DYNC2I2: variants seen among roughly 807,000 people sequenced by gnomAD.
The protein encoded by DYNC2I2 is cytoplasmic dynein 2 intermediate chain 2.
In DYNC2I2, 39 loss-of-function variants were observed where a neutral mutation model predicts 52.0. That is an observed-to-expected ratio of 0.75 (90% CI 0.58 to 0.98). DYNC2I2 has a LOEUF of 0.98. Ranked by LOEUF, DYNC2I2 falls within the 50% of genes least tolerant of loss-of-function variation. The pLI is 0.00. For missense variants in DYNC2I2, 743 were observed against 728.4 expected (o/e 1.02, Z -0.23); for synonymous variants, 359 against 321.1 (o/e 1.12, Z -1.26).
intron 1 of DYNC2I2, among the ~76,000 whole-genome samples, chr9:128,653,517 A>G (rs1242012472): frequency 1.3e-5 from 2 of 149,998 alleles, no homozygotes; most frequent in Non-Finnish European, 2.9e-5. Context: ...GATAAAGACT[A>G]TCCTGGCTAA....
chr9:128,638,220 CAAA>C (rs570370161), intron 2 of DYNC2I2, among the ~76,000 whole-genome samples: 16 of 95,868 alleles, frequency 1.7e-4, no homozygotes, highest in Non-Finnish European at 1.5e-4. Flanking sequence ...GACCCTGTCT[CAAA>C]AAAAAAAAAA....
rs535488987 is a variant in DYNC2I2 at position 128,642,605 on chromosome 9, C to T, written c.187-1666G>A. On this transcript the variant is annotated intron_variant, in intron 1 of 8. Coordinates refer to ENST00000372715, the MANE Select transcript of DYNC2I2 (RefSeq NM_052844.4). ...CTAATACGGTGAAACCCCGTCTCTA[C>T]TAAAAATACAAAAAAATTAGCCGGG... Among the ~76,000 whole-genome samples, 29 of 151,630 alleles carry T rather than the reference C, an allele frequency of 1.9e-4. No homozygotes were observed. In the South Asian group the frequency reaches 5.8e-3, roughly 31 times the overall value.
chr9:128,634,301 G>C lies in DYNC2I2; in HGVS notation c.1297C>G (p.Leu433Val), dbSNP rs977977446. ...ACAGCAAACAGATACTTGAGGGAGA[G>C]CTGCAGCGAAGTCAAGGGAGGGGCC... ...LQAPPLTSLQ[L>V]SLKYLFAVRW... Residue 433 changes from leucine to valine, a missense_variant, in exon 8 of 9, where the codon CTC becomes GTC. Leu to Val is a conservative substitution (Grantham distance 32, BLOSUM62 1). Transcript: ENST00000372715. The C allele has an allele frequency of 5.0e-6, 8 of 1,613,558 alleles. No individual in the cohort carries two copies. The African/African-American group carries it at 1.1e-4, about 22-fold the overall frequency.
intron 1 of DYNC2I2, among the ~76,000 whole-genome samples, chr9:128,655,996 C>T (rs117253418): frequency 0.033 from 5,017 of 151,546 alleles, 118 homozygotes; most frequent in Non-Finnish European, 0.049. Context: ...CAGCTTAAGC[C>T]CAGGAGTTGG....
chr9:128,683,756 C>A, the DYNC2I2 span: 1 of 648,546 alleles, frequency 1.5e-6, no homozygotes. Flanking sequence ...GTGTGTCCCA[C>A]TGTCATGTAA....
the DYNC2I2 span, chr9:128,683,717 G>T: frequency 1.9e-6 from 1 of 521,414 alleles, no homozygotes; most frequent in East Asian, 3.3e-5. Context: ...GAGGGTGGGT[G>T]GGATGAGGCT....
At position 128,634,852 on chromosome 9, in the gene DYNC2I2, T is replaced by C. The variant is rs1860347549; in HGVS notation, c.1051A>G (p.Ile351Val). The C allele has an allele frequency of 1.2e-6, 2 of 1,613,562 alleles. No individual in the cohort carries two copies. Among genetic ancestry groups the C allele is most frequent in the Admixed American group, 1.7e-5 (1 of 60,010 alleles). ...AFSSFDPRLF[I>V]LGTEGGFPLK... Reference sequence around the variant, plus strand: ...GGGAAGCCGCCTTCCGTGCCCAGAATGAACAGCCTAGGGTCAAAGCTGGAG... The same window carrying C: ...GGGAAGCCGCCTTCCGTGCCCAGAACGAACAGCCTAGGGTCAAAGCTGGAG... Residue 351 changes from isoleucine to valine, a missense_variant, in exon 7 of 9, where the codon ATT becomes GTT. Coordinates refer to ENST00000372715, the MANE Select transcript of DYNC2I2 (RefSeq NM_052844.4).
chr9:128,637,519 T>G (rs1163159599), intron 2 of DYNC2I2, among the ~76,000 whole-genome samples: 1 of 152,190 alleles, frequency 6.6e-6, no homozygotes, highest in Non-Finnish European at 1.5e-5. Context: ...CTCCACTCAC[T>G]GCAACTGCCA....
chr9:128,635,217 C>T lies in DYNC2I2; in HGVS notation c.856G>A (p.Val286Met), dbSNP rs139569061. The change falls in exon 6 of 9, where the codon GTG becomes ATG. Residue 286 changes from valine to methionine, a missense_variant. By Grantham distance (21) the Val-to-Met change is conservative (BLOSUM62 1). Transcript: ENST00000372715. Reference sequence around the variant, plus strand: ...TTCCCGTCGGTGGCCACACTCAGCACCTGGAAGCGGTGGCTGTGCCCAGGC... The same window carrying T: ...TTCCCGTCGGTGGCCACACTCAGCATCTGGAAGCGGTGGCTGTGCCCAGGC... The part of the protein sequence containing the change: ...PEPGHSHRFQ[V>M]LSVATDGKVL... 9.9e-5 allele frequency: 159 copies of T among 1,613,168 alleles called. No individual in the cohort carries two copies. The Middle Eastern group carries it at 1.2e-3, about 12-fold the overall frequency.
the DYNC2I2 span, among the ~76,000 whole-genome samples, chr9:128,662,638 GGCA>G: frequency 6.6e-6 from 1 of 151,906 alleles, no homozygotes; most frequent in South Asian, 2.1e-4. Context: ...GGAGTGTAGT[GGCA>G]CGATCTTGGC....
At chr9:128,657,034 A>G (rs192698681), upstream of DYNC2I2, among the ~76,000 whole-genome samples, 503 of 152,340 alleles carry the variant, frequency 3.3e-3, 4 homozygotes, top group African/African-American at 0.011. Flanking sequence ...AGCCAAGCGC[A>G]GAAGCGAAGA....
chr9:128,673,437 GC>G, the DYNC2I2 span, among the ~76,000 whole-genome samples: 1 of 147,698 alleles, frequency 6.8e-6, no homozygotes, highest in African/African-American at 2.5e-5. Flanking sequence ...TGCCTCCAGG[GC>G]TCAAGGGCTC....
At chr9:128,662,823 C>T in the DYNC2I2 span, among the ~76,000 whole-genome samples, 1 of 152,172 alleles carries the variant, frequency 6.6e-6, no homozygotes, top group African/African-American at 2.4e-5. Flanking sequence ...CTTGGCCTCC[C>T]AAAGTGCTGG....
the DYNC2I2 span, chr9:128,683,855 CG>C: frequency 3.3e-6 from 5 of 1,503,990 alleles, no homozygotes; most frequent in Non-Finnish European, 4.5e-6. Context: ...TCCGGACGGG[CG>C]AGGAGACTCG....
At chr9:128,673,876 T>C in the DYNC2I2 span, among the ~76,000 whole-genome samples, 1 of 149,914 alleles carries the variant, frequency 6.7e-6, no homozygotes, top group Non-Finnish European at 1.5e-5. Flanking sequence ...TGGCTCAATC[T>C]TGGCTCACCG....
Position 128,634,771 on chromosome 9 carries a change from C to A in DYNC2I2, c.1132G>T (p.Val378Leu), listed in dbSNP as rs367663253. Reference sequence around the variant, plus strand: ...AACTGTGCTGGGGCCCGCAGGGGCACGGAGCTGGGCATCCGCGTGAGGGCT... The same window carrying A: ...AACTGTGCTGGGGCCCGCAGGGGCAAGGAGCTGGGCATCCGCGTGAGGGCT... ...EAALTRMPSS[V>L]PLRAPAQFTF... The change falls in exon 7 of 9, where the codon GTG (valine) becomes TTG (leucine). Residue 378 changes from valine to leucine, a missense_variant. Val to Leu is a conservative substitution (Grantham distance 32, BLOSUM62 1). Coordinates refer to ENST00000372715, the MANE Select transcript of DYNC2I2 (RefSeq NM_052844.4). 6.2e-7 allele frequency: 1 copy of A among 1,608,212 alleles called. No individual in the cohort carries two copies. Among genetic ancestry groups the A allele is most frequent in the Non-Finnish European group, 8.5e-7 (1 of 1,177,776 alleles).
At position 128,656,655 on chromosome 9, in the gene DYNC2I2, G is replaced by C. The variant is rs773194503; in HGVS notation, c.72C>G (p.Val24=). ...GSAGVAALAT[V]GVASGPGPGR... is the part of the protein sequence containing the mutation. ...CCGGCCCCGGGCCGCTCGCAACCCC[G>C]ACTGTCGCCAGCGCCGCAACACCAG... The change falls in exon 1 of 9, where the codon GTC becomes GTG. Residue 24 remains valine, a synonymous_variant. Coordinates refer to ENST00000372715, the MANE Select transcript of DYNC2I2 (RefSeq NM_052844.4). 2.0e-6 allele frequency: 3 copies of C among 1,510,538 alleles called. No individual in the cohort carries two copies. The highest frequency in any genetic ancestry group is 2.6e-6 in the Non-Finnish European group (3 of 1,138,076). The allele number at this position is 1,510,538 out of a possible 1,614,324, so 93.6% of individuals were successfully genotyped here.
At chr9:128,683,883 C>T in the DYNC2I2 span, 1 of 1,546,494 alleles carries the variant, frequency 6.5e-7, no homozygotes, top group Non-Finnish European at 8.7e-7. Flanking sequence ...GGTTCTGGGA[C>T]TTCCCTAACA....
At chr9:128,656,472 C>A (rs1860826511) in intron 1 of DYNC2I2, 69 bp downstream of exon 1, 2 of 1,197,244 alleles carry the variant, frequency 1.7e-6, no homozygotes, top group Non-Finnish European at 1.0e-6. Context: ...ACGCCCGAAC[C>A]CGCCCGGCAG....
Sources: allele counts gnomAD v4.1 joint callset (sites outside exome capture counted in the v4.1 genomes callset), GRCh38; gene constraint gnomAD v4.1.1; transcripts MANE v1.5; gene names NCBI Gene and HGNC (gene_info 2026-07-23, HGNC 2026-07-21).